Variants in AOAH observed in about 807,000 individuals in gnomAD.
The protein encoded by AOAH is acyloxyacyl hydrolase, also known as acyloxyacyl hydrolase (neutrophil).
A neutral mutation model predicts 92.2 loss-of-function variants in AOAH; 64 were observed. The ratio of observed to expected loss-of-function variants is 0.69; its 90% CI spans 0.57 to 0.86. The LOEUF is 0.86. AOAH is among the 40% of genes least tolerant of loss of function. The pLI is 0.00. For missense variants in AOAH, 656 were observed against 694.6 expected (o/e 0.94, Z 0.62); for synonymous variants, 263 against 254.5 (o/e 1.03, Z -0.32).
chr7:36,622,377 A>T (rs1226170587), intron 7 of AOAH, among the ~76,000 whole-genome samples: 1 of 152,218 alleles, frequency 6.6e-6, no homozygotes, highest in Non-Finnish European at 1.5e-5. Context: ...TTAATTATGC[A>T]GGTTTAAATA....
intron 2 of AOAH, among the ~76,000 whole-genome samples, chr7:36,677,619 T>C (rs1562686830): frequency 1.3e-5 from 2 of 152,206 alleles, no homozygotes; most frequent in Non-Finnish European, 2.9e-5. Flanking sequence ...TTTATATATA[T>C]ATATAAACAT....
At chr7:36,709,690 A>AT (rs11389967) in intron 1 of AOAH, among the ~76,000 whole-genome samples, 92,602 of 150,890 alleles carry the variant, frequency 0.61, 28,642 homozygotes, top group East Asian at 0.83. Flanking sequence ...TAAAAGACAG[A>AT]TTTTTTTTTT....
chr7:36,657,455 C>T (rs1794958446), intron 4 of AOAH, among the ~76,000 whole-genome samples: 1 of 152,198 alleles, frequency 6.6e-6, no homozygotes, highest in Non-Finnish European at 1.5e-5. Context: ...AGTGAGTGCC[C>T]AGTCAATGTC....
At chr7:36,534,052 G>A (rs975692078) in intron 16 of AOAH, among the ~76,000 whole-genome samples, 11 of 151,900 alleles carry the variant, frequency 7.2e-5, no homozygotes, top group African/African-American at 2.4e-4. Flanking sequence ...GACAGGAGGT[G>A]GCACCTCATG....
chr7:36,589,329 A>C (rs535451685), intron 12 of AOAH, among the ~76,000 whole-genome samples: 1 of 152,194 alleles, frequency 6.6e-6, no homozygotes, highest in East Asian at 1.9e-4. Context: ...CAAGCACTCA[A>C]TATCACACAA....
chr7:36,516,275 A>T lies in AOAH; in HGVS notation c.1600-2895T>A, dbSNP rs1783695460. ...CACCACATGCACACTCACCACATAC[A>T]CATATAACATACACACACCCCCCCA... On this transcript the variant is annotated intron_variant, in intron 20 of 20. Coordinates refer to ENST00000617537, the MANE Select transcript of AOAH (RefSeq NM_001637.4). The surrounding 1 kb of genome is among the most constrained non-coding windows in gnomAD (Gnocchi z 5.0). 6.7e-6 allele frequency among the ~76,000 whole-genome samples: 1 copy of T among 149,370 alleles called. No individual in the cohort carries two copies. The highest frequency in any genetic ancestry group is 2.1e-4 in the South Asian group (1 of 4,656).
At chr7:36,681,447 T>C (rs1796638032) in intron 2 of AOAH, among the ~76,000 whole-genome samples, 1 of 152,098 alleles carries the variant, frequency 6.6e-6, no homozygotes, top group South Asian at 2.1e-4. Flanking sequence ...AGACCATTGA[T>C]GTCAAATTAA....
chr7:36,663,305 T>G (rs1280060052), intron 3 of AOAH, among the ~76,000 whole-genome samples: 1 of 152,212 alleles, frequency 6.6e-6, no homozygotes, highest in Admixed American at 6.5e-5. Context: ...AAACCCGCAT[T>G]GACACATTAT....
At chr7:36,533,678 CGTGTGTGTGT>C (rs5883560) in intron 16 of AOAH, among the ~76,000 whole-genome samples, 1 of 149,190 alleles carries the variant, frequency 6.7e-6, no homozygotes, top group South Asian at 2.1e-4. Context: ...ATTTTGTGTG[CGTGTGTGTGT>C]GTGTGTGTGT....
chr7:36,621,650 G>A, intron 8 of AOAH, 60 bp downstream of exon 8: 2 of 1,490,342 alleles, frequency 1.3e-6, no homozygotes, highest in South Asian at 2.3e-5. Context: ...AAGGAAATGT[G>A]CCTCCTGCTT....
intron 3 of AOAH, chr7:36,661,017 C>T (rs1453013425): frequency 6.6e-6 from 1 of 152,204 alleles, no homozygotes; most frequent in Admixed American, 6.5e-5. Context: ...TCCAGCAACA[C>T]AGGTTGGTAA....
At chr7:36,620,891 T>TCATG in intron 8 of AOAH, 62 bp from the exon 9 acceptor site, 2 of 1,463,412 alleles carry the variant, frequency 1.4e-6, no homozygotes, top group East Asian at 2.3e-5. Context: ...GATGTCAGTT[T>TCATG]CATGCATGAA....
chr7:36,605,807 C>T (rs558962468), intron 11 of AOAH, among the ~76,000 whole-genome samples: 25 of 152,252 alleles, frequency 1.6e-4, no homozygotes, highest in Non-Finnish European at 2.8e-4. Context: ...AACGGCCTGT[C>T]TGGCCTGTTC....
chr7:36,711,655 G>C (rs138620197), intron 1 of AOAH, among the ~76,000 whole-genome samples: 16 of 152,270 alleles, frequency 1.1e-4, no homozygotes, highest in Non-Finnish European at 2.4e-4. Flanking sequence ...GAGTGTATGG[G>C]AACTGCCACG....
intron 1 of AOAH, among the ~76,000 whole-genome samples, chr7:36,690,593 A>G (rs916252608): frequency 6.6e-6 from 1 of 152,208 alleles, no homozygotes; most frequent in Non-Finnish European, 1.5e-5. Flanking sequence ...AATTCCTCCC[A>G]TTACAGACTA....
intron 4 of AOAH, among the ~76,000 whole-genome samples, chr7:36,647,861 C>T (rs963569667): frequency 4.0e-5 from 6 of 149,358 alleles, no homozygotes; most frequent in Admixed American, 1.3e-4. Flanking sequence ...GGTGGAGTAT[C>T]GCTCTGTCAC....
intron 1 of AOAH, among the ~76,000 whole-genome samples, chr7:36,693,296 C>T (rs1056938211): frequency 3.4e-4 from 52 of 152,144 alleles, no homozygotes; most frequent in African/African-American, 1.2e-3. Context: ...TTTGGACAGA[C>T]TGTAAATATT....
At chr7:36,531,911 C>CGAGA (rs1008377780) in intron 18 of AOAH, among the ~76,000 whole-genome samples, 2 of 151,822 alleles carry the variant, frequency 1.3e-5, no homozygotes, top group African/African-American at 4.8e-5. Context: ...TGTGTACACA[C>CGAGA]GAGAGAGACA....
intron 1 of AOAH, among the ~76,000 whole-genome samples, chr7:36,712,626 G>T (rs145392011): frequency 3.9e-5 from 6 of 152,278 alleles, no homozygotes; most frequent in Admixed American, 2.0e-4. Flanking sequence ...GACTAACAGC[G>T]GATCTCTCAG....
Sources: gnomAD v4.1 joint callset for allele counts (sites outside exome capture counted in the v4.1 genomes callset) on GRCh38, gnomAD v4.1.1 for gene constraint, Gnocchi (gnomAD v3.1) non-coding constraint, MANE v1.5 for transcripts, NCBI Gene and HGNC (gene_info 2026-07-23, HGNC 2026-07-21) for gene names.